The following PPFIBP2 variants were observed in gnomAD, a reference collection of about 807,000 sequenced individuals.
The protein encoded by PPFIBP2 is liprin-beta-2.
In PPFIBP2, 118 loss-of-function variants were observed where a neutral mutation model predicts 118.3. The observed-to-expected ratio is 1.00, with a 90% CI of 0.86 to 1.16. PPFIBP2 has a LOEUF of 1.16. Among genes scored for constraint, PPFIBP2 ranks in the 50% most tolerant of loss-of-function variants. The pLI, the probability that PPFIBP2 is intolerant of heterozygous loss-of-function variation, is 0.00. For synonymous variants in PPFIBP2, 414 were observed against 397.4 expected, an observed-to-expected ratio of 1.04 and a Z score of -0.50; for missense variants, 1,195 against 1,073.1, an observed-to-expected ratio of 1.11 and a Z score of -1.59.
chr11:7,642,537 A>G, intron 17 of PPFIBP2, 111 bp downstream of exon 17: 1 of 1,241,300 alleles, frequency 8.1e-7, no homozygotes, highest in East Asian at 2.6e-5. Flanking sequence ...ACCCCTTTCC[A>G]TATTCTCTTC....
At chr11:7,665,749 A>T in the PPFIBP2 span, 1 of 1,309,390 alleles carries the variant, frequency 7.6e-7, no homozygotes, top group South Asian at 1.4e-5. Context: ...TCCCAGGCTC[A>T]CTGCAGGGAC....
At chr11:7,572,421 C>T (rs1373411547) in intron 3 of PPFIBP2, among the ~76,000 whole-genome samples, 3 of 152,166 alleles carry the variant, frequency 2.0e-5, no homozygotes, top group East Asian at 1.9e-4. Context: ...TCTAGCAATC[C>T]GGCTCCTTTC....
chr11:7,570,302 G>A (rs1378157039), intron 3 of PPFIBP2, among the ~76,000 whole-genome samples: 3 of 152,168 alleles, frequency 2.0e-5, no homozygotes, highest in African/African-American at 4.8e-5. Context: ...GTGTTGATTC[G>A]TGTCCCAGGT....
the PPFIBP2 span, chr11:7,666,313 T>C: frequency 4.8e-6 from 3 of 629,868 alleles, 1 homozygote; most frequent in Non-Finnish European, 8.5e-6. Flanking sequence ...ACATTTCCCA[T>C]CTGGAGCCAG....
At chr11:7,578,822 A>G (rs1477340849) in intron 3 of PPFIBP2, among the ~76,000 whole-genome samples, 1 of 152,150 alleles carries the variant, frequency 6.6e-6, no homozygotes, top group Non-Finnish European at 1.5e-5. Context: ...TTCCAGGCAA[A>G]TGGGGCATAG....
chr11:7,638,105 T>C (rs924334246), intron 14 of PPFIBP2, among the ~76,000 whole-genome samples: 14 of 152,354 alleles, frequency 9.2e-5, no homozygotes, highest in South Asian at 2.1e-4. Flanking sequence ...TTCCTGGGTC[T>C]GACTGCATTA....
chr11:7,577,196 CGT>C (rs1055723102), intron 3 of PPFIBP2: 1 of 185,770 alleles, frequency 5.4e-6, no homozygotes, highest in African/African-American at 2.4e-5. Flanking sequence ...TGTGTGTGTG[CGT>C]GTGTGTCATG....
chr11:7,516,519 T>C (rs1006472463), intron 1 of PPFIBP2, among the ~76,000 whole-genome samples: 8 of 152,016 alleles, frequency 5.3e-5, no homozygotes, highest in African/African-American at 1.9e-4. Context: ...TTGTATTGGT[T>C]CGAACCCCGA....
intron 5 of PPFIBP2, among the ~76,000 whole-genome samples, chr11:7,607,060 A>G (rs1292042018): frequency 6.7e-6 from 1 of 149,074 alleles, no homozygotes; most frequent in Non-Finnish European, 1.5e-5. Flanking sequence ...ACAGGTGCCC[A>G]CCACCACACC....
intron 23 of PPFIBP2, among the ~76,000 whole-genome samples, chr11:7,652,282 T>A (rs182280054): frequency 6.6e-6 from 1 of 152,188 alleles, no homozygotes; most frequent in Non-Finnish European, 1.5e-5. Flanking sequence ...TTGTCTTGTT[T>A]CGTGAAGTGG....
At chr11:7,560,798 A>G (rs1273435343) in intron 2 of PPFIBP2, among the ~76,000 whole-genome samples, 2 of 152,266 alleles carry the variant, frequency 1.3e-5, no homozygotes, top group Non-Finnish European at 2.9e-5. Context: ...GAGCTTGCCA[A>G]CATTAATTAT....
At chr11:7,599,628 AC>A (rs1861031816) in intron 5 of PPFIBP2, among the ~76,000 whole-genome samples, 1 of 137,988 alleles carries the variant, frequency 7.2e-6, no homozygotes, top group African/African-American at 2.8e-5. Context: ...AAACTCAATT[AC>A]TTTTTTTTTT....
chr11:7,617,065 C>A, intron 6 of PPFIBP2: 1 of 936,020 alleles, frequency 1.1e-6, no homozygotes, highest in Non-Finnish European at 1.3e-6. Flanking sequence ...CGTCTGAGAG[C>A]TGTCTGACCT....
intron 2 of PPFIBP2, among the ~76,000 whole-genome samples, chr11:7,562,929 T>TTTTA (rs1421157041): frequency 2.3e-5 from 2 of 86,546 alleles, no homozygotes; most frequent in East Asian, 4.2e-4. Flanking sequence ...AATTAAAGTT[T>TTTTA]TATATATATA....
At chr11:7,577,626 G>T in intron 3 of PPFIBP2, 1 of 456,350 alleles carries the variant, frequency 2.2e-6, no homozygotes, top group South Asian at 1.5e-5. Context: ...AGCATTTCTC[G>T]TGGCTGAAGA....
At chr11:7,518,749 T>C (rs373940662) in intron 1 of PPFIBP2, among the ~76,000 whole-genome samples, 2 of 152,012 alleles carry the variant, frequency 1.3e-5, no homozygotes, top group South Asian at 4.2e-4. Context: ...GAGAGATCAG[T>C]GAGGGAGAAG....
intron 14 of PPFIBP2, among the ~76,000 whole-genome samples, chr11:7,637,090 A>G (rs1032495284): frequency 2.0e-5 from 3 of 151,534 alleles, no homozygotes; most frequent in Non-Finnish European, 2.9e-5. Context: ...AATCTCCCCT[A>G]CTCCTGACAG....
intron 10 of PPFIBP2, among the ~76,000 whole-genome samples, chr11:7,630,700 G>A (rs964246561): frequency 6.7e-6 from 1 of 148,464 alleles, no homozygotes; most frequent in Non-Finnish European, 1.5e-5. Flanking sequence ...GGAGGCAGGG[G>A]TACATTACCT....
intron 5 of PPFIBP2, among the ~76,000 whole-genome samples, chr11:7,609,659 T>G (rs1033669727): frequency 3.9e-5 from 6 of 152,256 alleles, no homozygotes; most frequent in African/African-American, 1.2e-4. Flanking sequence ...CTCCCTGGTC[T>G]GTCTTCACAA....
Sources: allele counts gnomAD v4.1 joint callset (sites outside exome capture counted in the v4.1 genomes callset), GRCh38; gene constraint gnomAD v4.1.1; transcripts MANE v1.5; gene names NCBI Gene and HGNC (gene_info 2026-07-23, HGNC 2026-07-21).